The following AFDN variants were observed in gnomAD, a reference collection of about 807,000 sequenced individuals.
AFDN encodes afadin, adherens junction formation factor, also known as afadin.
In AFDN, 68 loss-of-function variants were observed where a neutral mutation model predicts 216.6. The observed-to-expected ratio is 0.31, with a 90% confidence interval of 0.26 to 0.38. The LOEUF is 0.38. AFDN is among the 10% of genes least tolerant of loss of function. The pLI, the probability that AFDN is intolerant of heterozygous loss-of-function variation, is 1.00. For missense variants in AFDN, 2,136 were observed against 2,342.0 expected (o/e 0.91, Z 1.82); for synonymous variants, 868 against 853.7 (o/e 1.02, Z -0.29).
chr6:167,889,255 G>A lies in AFDN; in HGVS notation c.938G>A (p.Gly313Asp), dbSNP rs772678870. The A allele has an allele frequency of 4.6e-5, 75 of 1,613,836 alleles. No homozygotes were observed. The highest frequency in any genetic ancestry group is 6.3e-5 in the Non-Finnish European group (74 of 1,179,962). Reference protein sequence around the residue: ...PPGAQHSDEKGAKEIILDDDE... With the variant: ...PPGAQHSDEKDAKEIILDDDE... ...GGAGCCCAGCATTCTGATGAAAAGG[G>A]TGCTAAAGAAATTATTCTTGATGAT... Residue 313 changes from glycine (G) to aspartate (D), a missense_variant, in exon 7 of 34, where the codon GGT becomes GAT. Gly to Asp is a moderately conservative substitution (Grantham distance 94). This residue lies in a region of AFDN where 817 missense variants were observed against 965.7 expected (regional missense o/e 0.85). Coordinates refer to ENST00000683244, the MANE Select transcript of AFDN (RefSeq NM_001386888.1).
chr6:167,932,446 TAAA>T (rs1447668456), intron 23 of AFDN, among the ~76,000 whole-genome samples: 1 of 152,230 alleles, frequency 6.6e-6, no homozygotes, highest in Non-Finnish European at 1.5e-5. Flanking sequence ...ATTTGGATTT[TAAA>T]ATTACAAACA....
intron 1 of AFDN, among the ~76,000 whole-genome samples, chr6:167,839,307 T>G (rs1780792789): frequency 6.6e-6 from 1 of 152,216 alleles, no homozygotes; most frequent in Admixed American, 6.5e-5. Flanking sequence ...GAAATAGTTA[T>G]GTGCCTGTTT....
In AFDN at chr6:167,902,462, A is replaced by G. The variant is rs551382359; in HGVS notation, c.1650+76A>G. 56 of 1,089,568 alleles carry G rather than the reference A, an allele frequency of 5.1e-5. 1 individual carries two copies. The Admixed American group carries it at 5.9e-4, about 11-fold the overall frequency. The allele number at this position is 1,089,568 out of a possible 1,614,324, so 67.5% of individuals were successfully genotyped here. A position where few individuals can be genotyped will look rare whatever the true frequency, so the allele number is the denominator to read the frequency against. ...TGGATGAATACAGTAGTGGTGGGGG[A>G]TGTGTTCCCCTTATTTGTGGGGGAT... is the stretch of plus-strand genomic sequence containing the variant. On this transcript the variant is annotated intron_variant, in intron 12 of 33. Transcript: ENST00000683244.
chr6:167,948,249 A>G, intron 28 of AFDN, 44 bp from the exon 29 acceptor site: 2 of 1,517,978 alleles, frequency 1.3e-6, no homozygotes, highest in Non-Finnish European at 1.8e-6. Flanking sequence ...GTTAGTCTGT[A>G]TGGTTGTAAA....
At chr6:167,967,876 A>G (rs1227113051) in intron 32 of AFDN, among the ~76,000 whole-genome samples, 1 of 152,188 alleles carries the variant, frequency 6.6e-6, no homozygotes, top group Non-Finnish European at 1.5e-5. Context: ...CTGGTAAAGC[A>G]TGCTTCTGCA....
intron 6 of AFDN, among the ~76,000 whole-genome samples, chr6:167,888,716 G>A (rs1048517994): frequency 1.1e-4 from 17 of 152,156 alleles, no homozygotes; most frequent in African/African-American, 4.1e-4. Flanking sequence ...TATTTAAATG[G>A]TCTGATTAAA....
At chr6:167,927,277 G>C (rs74974850) in intron 23 of AFDN, among the ~76,000 whole-genome samples, 1 of 152,248 alleles carries the variant, frequency 6.6e-6, no homozygotes, top group African/African-American at 2.4e-5. Flanking sequence ...GAATAAGGGA[G>C]ATATATTGTG....
At chr6:167,893,797 T>C in intron 8 of AFDN, 65 bp from the exon 9 acceptor site, 1 of 1,265,366 alleles carries the variant, frequency 7.9e-7, no homozygotes, top group Non-Finnish European at 1.1e-6. Flanking sequence ...TTCCGCGTGT[T>C]CTGCATGGTC....
intron 6 of AFDN, among the ~76,000 whole-genome samples, chr6:167,883,197 T>G (rs1027165072): frequency 6.7e-6 from 1 of 148,718 alleles, no homozygotes; most frequent in African/African-American, 2.6e-5. Context: ...GTCCAGAAGA[T>G]TCCTCTGCAG....
At chr6:167,920,751 A>G (rs1401002094) in intron 21 of AFDN, among the ~76,000 whole-genome samples, 5 of 152,172 alleles carry the variant, frequency 3.3e-5, no homozygotes, top group African/African-American at 1.2e-4. Context: ...ACTGTATATT[A>G]TTAATATCTG....
intron 27 of AFDN, among the ~76,000 whole-genome samples, chr6:167,947,170 T>C (rs1300037536): frequency 7.5e-6 from 1 of 133,440 alleles, no homozygotes; most frequent in Non-Finnish European, 1.6e-5. Context: ...TAAAATATGT[T>C]TTACATTTTT....
rs769855030 is a variant in AFDN, at chr6:167,914,212, T to C, written c.2103T>C (p.Asn701=). The part of the protein sequence containing the change: ...IAGALAFWMA[N]ASELLNFIKQ... ...GGGCACTTGCCTTCTGGATGGCAAA[T>C]GCATCTGAACTTCTCAACTTCATTA... The change falls in exon 17 of 34, where the codon AAT becomes AAC. Residue 701 remains asparagine (N), a synonymous_variant. Coordinates refer to ENST00000683244, the MANE Select transcript of AFDN (RefSeq NM_001386888.1). 2 of 1,614,186 alleles carry C rather than the reference T, an allele frequency of 1.2e-6. No individual in the cohort carries two copies. Among genetic ancestry groups the C allele is most frequent in the South Asian group, 2.2e-5 (2 of 91,080 alleles).
intron 6 of AFDN, among the ~76,000 whole-genome samples, chr6:167,883,150 C>T (rs1786355827): frequency 6.6e-6 from 1 of 152,000 alleles, no homozygotes; most frequent in African/African-American, 2.4e-5. Flanking sequence ...TAGAATCTAT[C>T]AAGAGAAGGG....
At chr6:167,965,145 G>C (rs567980981) in intron 31 of AFDN, 3 of 805,462 alleles carry the variant, frequency 3.7e-6, no homozygotes, top group Non-Finnish European at 4.5e-6. Context: ...GGGAGAATGA[G>C]TGTTTTTTTT....
At chr6:167,893,499 T>G (rs766577560) in intron 8 of AFDN, among the ~76,000 whole-genome samples, 1 of 152,124 alleles carries the variant, frequency 6.6e-6, no homozygotes, top group African/African-American at 2.4e-5. Flanking sequence ...AGAAATACAT[T>G]ATTTCGTTCT....
At chr6:167,856,148 G>T (rs369748604) in intron 1 of AFDN, among the ~76,000 whole-genome samples, 1 of 152,074 alleles carries the variant, frequency 6.6e-6, no homozygotes, top group African/African-American at 2.4e-5. Flanking sequence ...AGACTGCTGC[G>T]CTGCCACAGA....
intron 1 of AFDN, among the ~76,000 whole-genome samples, chr6:167,844,478 G>A (rs1781416774): frequency 6.6e-6 from 1 of 152,130 alleles, no homozygotes; most frequent in Non-Finnish European, 1.5e-5. Flanking sequence ...TATAATCCAT[G>A]TAGTAATCAT....
chr6:167,890,520 A>G (rs899926524), intron 7 of AFDN, among the ~76,000 whole-genome samples: 5 of 151,518 alleles, frequency 3.3e-5, no homozygotes, highest in African/African-American at 1.2e-4. Context: ...TGTGGTTTTT[A>G]TATGTATGAA....
intron 1 of AFDN, among the ~76,000 whole-genome samples, chr6:167,846,897 A>G (rs1296077633): frequency 2.6e-4 from 39 of 152,126 alleles, no homozygotes; most frequent in Admixed American, 2.6e-3. Context: ...CTGCGTTAAG[A>G]CATTCAATAA....
Sources: gnomAD v4.1 joint callset for allele counts (sites outside exome capture counted in the v4.1 genomes callset) on GRCh38, gnomAD v4.1.1 for gene constraint, gnomAD v4.1.1 regional missense constraint, MANE v1.5 for transcripts, NCBI Gene and HGNC (gene_info 2026-07-23, HGNC 2026-07-21) for gene names.